Variants in IL33 observed in about 807,000 individuals in gnomAD.
The protein encoded by IL33 is interleukin-33.
IL33 carries 37 observed loss-of-function variants against 27.3 expected under a neutral mutation model. The observed-to-expected ratio is 1.36, with a 90% CI of 1.04 to 1.78. The LOEUF (loss-of-function observed/expected upper bound fraction) is 1.78, where lower values mean the gene tolerates loss of function less well. Among genes scored for constraint, IL33 ranks in the 40% most tolerant of loss-of-function variants. The probability of loss-of-function intolerance (pLI) is 0.00; values close to 1 mark genes in which losing one functional copy is unlikely to be tolerated. For synonymous variants in IL33, 132 were observed against 102.9 expected (o/e 1.28, Z -1.71); for missense variants, 406 against 311.4 (o/e 1.30, Z -2.29).
chr9:6,230,926 A>G (rs910675412), intron 1 of IL33, among the ~76,000 whole-genome samples: 7 of 152,168 alleles, frequency 4.6e-5, no homozygotes, highest in Admixed American at 1.3e-4. Context: ...GTTTTGCAAG[A>G]GCCACTATTT....
intron 1 of IL33, among the ~76,000 whole-genome samples, chr9:6,221,349 G>A (rs1316918606): frequency 6.6e-6 from 1 of 152,140 alleles, no homozygotes; most frequent in Non-Finnish European, 1.5e-5. Context: ...AGTATAAGCT[G>A]TTTTACAAAA....
intron 1 of IL33, among the ~76,000 whole-genome samples, chr9:6,240,800 CTTT>C (rs1487188713): frequency 6.6e-6 from 1 of 152,018 alleles, no homozygotes; most frequent in Non-Finnish European, 1.5e-5. Flanking sequence ...CTTACTATAA[CTTT>C]TTTACTTTAT....
At chr9:6,249,657 G>A (rs141373913) in intron 2 of IL33, among the ~76,000 whole-genome samples, 12 of 152,246 alleles carry the variant, frequency 7.9e-5, no homozygotes, top group African/African-American at 2.9e-4. Flanking sequence ...TTAGATGGCG[G>A]TAAGTGGATG....
intron 2 of IL33, among the ~76,000 whole-genome samples, chr9:6,245,061 G>T (rs1819751301): frequency 6.6e-6 from 1 of 152,044 alleles, no homozygotes; most frequent in African/African-American, 2.4e-5. Context: ...ACTTCCCAGG[G>T]TCAGGCTTTC....
At chr9:6,235,573 G>A (rs1819153082) in intron 1 of IL33, among the ~76,000 whole-genome samples, 1 of 152,116 alleles carries the variant, frequency 6.6e-6, no homozygotes, top group Admixed American at 6.6e-5. Flanking sequence ...TGCCATTAGT[G>A]AAATCTAAAC....
intron 1 of IL33, among the ~76,000 whole-genome samples, chr9:6,234,520 A>C (rs1819086117): frequency 6.6e-6 from 1 of 152,172 alleles, no homozygotes; most frequent in South Asian, 2.1e-4. Flanking sequence ...ACTGGGAGTG[A>C]GACTTGGGTT....
At chr9:6,236,114 G>A (rs984951121) in intron 1 of IL33, among the ~76,000 whole-genome samples, 1 of 150,928 alleles carries the variant, frequency 6.6e-6, no homozygotes. Flanking sequence ...ATAAAATCTG[G>A]AAACAGCCAG....
At chr9:6,234,560 C>T (rs1244945839) in intron 1 of IL33, among the ~76,000 whole-genome samples, 1 of 152,162 alleles carries the variant, frequency 6.6e-6, no homozygotes, top group Non-Finnish European at 1.5e-5. Flanking sequence ...TTGGTAACTG[C>T]ATGACTTAGT....
At chr9:6,218,545 A>G (rs191349938) in intron 1 of IL33, among the ~76,000 whole-genome samples, 83 of 151,606 alleles carry the variant, frequency 5.5e-4, no homozygotes, top group African/African-American at 2.0e-3. Context: ...GAATTAAATC[A>G]TTACAGGGAA....
intron 1 of IL33, among the ~76,000 whole-genome samples, chr9:6,234,625 A>G (rs1202939170): frequency 6.6e-6 from 1 of 152,158 alleles, no homozygotes; most frequent in African/African-American, 2.4e-5. Flanking sequence ...CAAGGACTCT[A>G]TGAAGTACCT....
In IL33 at chr9:6,257,970, A is replaced by G. The variant is rs1274527687; in HGVS notation, c.*1802A>G. ...TTGTTTATATTATTGAATAAAGTAT[A>G]TTTTCCAAATGTATGTGAGACTATA... On this transcript the variant is annotated 3_prime_UTR_variant, in exon 8 of 8. Coordinates refer to ENST00000682010, the MANE Select transcript of IL33 (RefSeq NM_033439.4). 1 of 152,194 alleles carries G rather than the reference A, an allele frequency of 6.6e-6. No homozygotes were observed. Among genetic ancestry groups the G allele is most frequent in the Non-Finnish European group, 1.5e-5 (1 of 68,032 alleles). The allele number at this position is 152,194 out of a possible 1,614,324, so 9.4% of individuals were successfully genotyped here. A position where few individuals can be genotyped will look rare whatever the true frequency, so the allele number is the denominator to read the frequency against.
At chr9:6,253,262 G>C (rs1048276610) in intron 5 of IL33, among the ~76,000 whole-genome samples, 10 of 152,136 alleles carry the variant, frequency 6.6e-5, no homozygotes, top group African/African-American at 2.4e-4. Flanking sequence ...ACATGTATTT[G>C]CTATCTCTAA....
At chr9:6,241,428 GA>G (rs1471308807) in intron 1 of IL33, among the ~76,000 whole-genome samples, 4 of 152,140 alleles carry the variant, frequency 2.6e-5, no homozygotes, top group Non-Finnish European at 5.9e-5. Flanking sequence ...TAGGTGATAA[GA>G]ATTTATCAGC....
At chr9:6,239,780 C>T (rs1819425612) in intron 1 of IL33, among the ~76,000 whole-genome samples, 1 of 152,004 alleles carries the variant, frequency 6.6e-6, no homozygotes, top group South Asian at 2.1e-4. Context: ...ATGACTAGAC[C>T]CCTCCCTATT....
chr9:6,224,980 A>G (rs1490655704), intron 1 of IL33, among the ~76,000 whole-genome samples: 1 of 152,008 alleles, frequency 6.6e-6, no homozygotes, highest in Non-Finnish European at 1.5e-5. Context: ...TCCCCTGTGT[A>G]TTTCTCAGCA....
At chr9:6,226,901 GT>G (rs1482374409) in intron 1 of IL33, among the ~76,000 whole-genome samples, 4 of 152,226 alleles carry the variant, frequency 2.6e-5, no homozygotes, top group Non-Finnish European at 4.4e-5. Flanking sequence ...CTGTGGGAAT[GT>G]TTGGTGGTTT....
At position 6,241,690 on chromosome 9, in the gene IL33, G is replaced by A. The variant is rs369545686; in HGVS notation, c.-5G>A. The A allele has an allele frequency of 6.3e-7, 1 of 1,591,030 alleles. No individual in the cohort carries two copies. Among genetic ancestry groups the A allele is most frequent in the African/African-American group, 1.4e-5 (1 of 74,012 alleles). ...TTATATTTTAATCCAACAGAATACT[G>A]AAAAATGAAGCCTAAAATGAAGTAT... On this transcript the variant is annotated 5_prime_UTR_variant, in exon 2 of 8. Transcript: ENST00000682010.
chr9:6,246,662 G>A (rs1381108765), intron 2 of IL33, among the ~76,000 whole-genome samples: 2 of 152,206 alleles, frequency 1.3e-5, no homozygotes, highest in Admixed American at 6.5e-5. Flanking sequence ...TGTCATGGGA[G>A]TGGGTTAGTT....
intron 2 of IL33, among the ~76,000 whole-genome samples, chr9:6,243,758 T>C (rs991507560): frequency 1.3e-5 from 2 of 152,180 alleles, no homozygotes; most frequent in Non-Finnish European, 2.9e-5. Flanking sequence ...GGATAAGGAA[T>C]GATGGTGGGG....
Sources: allele counts gnomAD v4.1 joint callset (sites outside exome capture counted in the v4.1 genomes callset), GRCh38; gene constraint gnomAD v4.1.1; transcripts MANE v1.5; gene names NCBI Gene and HGNC (gene_info 2026-07-23, HGNC 2026-07-21).